Variants in AP3S1 observed in about 807,000 individuals in gnomAD.
AP3S1 encodes AP-3 complex subunit sigma-1.
A neutral mutation model predicts 21.3 loss-of-function variants in AP3S1; 12 were observed. That is an observed-to-expected ratio of 0.56 (90% CI 0.36 to 0.91). AP3S1 has a LOEUF of 0.91. Among genes scored for constraint, AP3S1 ranks in the 40% least tolerant of loss-of-function variants. AP3S1 has a pLI of 0.01. For synonymous variants in AP3S1, 48 were observed against 78.4 expected (o/e 0.61, Z 2.05); for missense variants, 116 against 225.0 (o/e 0.52, Z 3.10).
chr5:115,851,628 C>A (rs770492653), intron 1 of AP3S1, among the ~76,000 whole-genome samples: 2 of 152,004 alleles, frequency 1.3e-5, no homozygotes, highest in Non-Finnish European at 2.9e-5. Flanking sequence ...GGAAAAATAT[C>A]TATTTGAGTC....
intron 3 of AP3S1, among the ~76,000 whole-genome samples, chr5:115,891,234 C>G (rs1036256753): frequency 6.6e-6 from 1 of 152,092 alleles, no homozygotes; most frequent in African/African-American, 2.4e-5. Flanking sequence ...AGGGAACATA[C>G]AAGATTTTTT....
At position 115,862,959 on chromosome 5, in the gene AP3S1, T is replaced by C. The variant is rs1044649419; in HGVS notation, c.70-3711T>C. 6.6e-5 allele frequency among the ~76,000 whole-genome samples: 10 copies of C among 152,258 alleles called. No homozygotes were observed. In the East Asian group the frequency reaches 1.5e-3, roughly 24 times the overall value. On this transcript the variant is annotated intron_variant, in intron 1 of 5. Coordinates refer to ENST00000316788, the MANE Select transcript of AP3S1 (RefSeq NM_001284.4). ...TTCAATGAATCCAGCAAAAGGACTA[T>C]TGTAAAGAAAATAAAATTCATGGTC...
At chr5:115,879,800 T>A (rs747154064) in intron 3 of AP3S1, among the ~76,000 whole-genome samples, 1 of 152,210 alleles carries the variant, frequency 6.6e-6, no homozygotes, top group Non-Finnish European at 1.5e-5. Flanking sequence ...TCTTTGTGCC[T>A]CTGGTAGAAT....
rs942596651 is a variant in AP3S1, at chr5:115,854,740, G to T, written c.70-11930G>T. Reference sequence around the variant, plus strand: ...ATTCTTCATATATTTTCTTGATTCTGTGATTTTGTCCACATTTTACTTCTG... The same window carrying T: ...ATTCTTCATATATTTTCTTGATTCTTTGATTTTGTCCACATTTTACTTCTG... On this transcript the variant is annotated intron_variant, in intron 1 of 5. Coordinates refer to ENST00000316788, the MANE Select transcript of AP3S1 (RefSeq NM_001284.4). Among the ~76,000 whole-genome samples the T allele has an allele frequency of 2.7e-5, 4 of 148,138 alleles. No individual in the cohort carries two copies. The South Asian group carries it at 8.5e-4, about 32-fold the overall frequency.
At chr5:115,859,423 T>C (rs905792725) in intron 1 of AP3S1, among the ~76,000 whole-genome samples, 1 of 152,242 alleles carries the variant, frequency 6.6e-6, no homozygotes, top group African/African-American at 2.4e-5. Flanking sequence ...TTGGGTAGTA[T>C]ATTTTTAACA....
intron 1 of AP3S1, among the ~76,000 whole-genome samples, chr5:115,849,095 T>A (rs1762259927): frequency 6.6e-6 from 1 of 152,194 alleles, no homozygotes; most frequent in Non-Finnish European, 1.5e-5. Context: ...TTCTTTCAAG[T>A]ATTTATTTGT....
chr5:115,856,819 T>C (rs1762834921), intron 1 of AP3S1, among the ~76,000 whole-genome samples: 1 of 152,200 alleles, frequency 6.6e-6, no homozygotes, highest in South Asian at 2.1e-4. Context: ...GTGGGGAGAA[T>C]GTTAAAAATA....
At chr5:115,873,480 C>CA (rs777380583) in intron 3 of AP3S1, among the ~76,000 whole-genome samples, 2 of 152,040 alleles carry the variant, frequency 1.3e-5, no homozygotes, top group Non-Finnish European at 2.9e-5. Flanking sequence ...TATTGTGTCA[C>CA]AAAAAAGAAG....
chr5:115,887,887 TAAAG>T (rs1235657718), intron 3 of AP3S1, among the ~76,000 whole-genome samples: 1 of 152,106 alleles, frequency 6.6e-6, no homozygotes, highest in Admixed American at 6.6e-5. Flanking sequence ...GATGTAAAGA[TAAAG>T]AAAACACAAG....
At chr5:115,912,352 A>G (rs1752173825) in intron 5 of AP3S1, among the ~76,000 whole-genome samples, 1 of 152,024 alleles carries the variant, frequency 6.6e-6, no homozygotes, top group Non-Finnish European at 1.5e-5. Flanking sequence ...ACTTTGCTTT[A>G]TTATATAGCC....
intron 3 of AP3S1, among the ~76,000 whole-genome samples, chr5:115,894,238 A>T (rs1367374195): frequency 6.6e-6 from 1 of 152,206 alleles, no homozygotes; most frequent in Non-Finnish European, 1.5e-5. Flanking sequence ...CATAATGTGT[A>T]CAGAGTATTC....
chr5:115,843,457 T>C (rs76610165), intron 1 of AP3S1, among the ~76,000 whole-genome samples: 3,650 of 152,340 alleles, frequency 0.024, 140 homozygotes, highest in African/African-American at 0.084. Flanking sequence ...TTTAATTTAG[T>C]ATAACTTCAA....
At chr5:115,843,491 C>G (rs966903202) in intron 1 of AP3S1, among the ~76,000 whole-genome samples, 6 of 152,126 alleles carry the variant, frequency 3.9e-5, no homozygotes, top group Non-Finnish European at 4.4e-5. Flanking sequence ...TTTAAAAATT[C>G]TACATCATTC....
At chr5:115,849,836 T>C (rs1762313234) in intron 1 of AP3S1, among the ~76,000 whole-genome samples, 1 of 151,876 alleles carries the variant, frequency 6.6e-6, no homozygotes, top group African/African-American at 2.4e-5. Context: ...GGTGGGAGGA[T>C]TGCCTGAGCC....
At chr5:115,842,198 C>T (rs1210094512) in intron 1 of AP3S1, 92 bp downstream of exon 1, 24 of 1,466,020 alleles carry the variant, frequency 1.6e-5, no homozygotes, top group Non-Finnish European at 5.4e-6. Flanking sequence ...CCCCCTCCGG[C>T]GCGCTGCGGC....
intron 4 of AP3S1, among the ~76,000 whole-genome samples, chr5:115,900,801 A>G (rs928192131): frequency 1.7e-4 from 26 of 152,208 alleles, no homozygotes; most frequent in African/African-American, 5.8e-4. Context: ...GCTGGGAAAT[A>G]GATGTATGTA....
chr5:115,895,498 A>G (rs1391661929), intron 4 of AP3S1, among the ~76,000 whole-genome samples: 1 of 151,902 alleles, frequency 6.6e-6, no homozygotes, highest in Non-Finnish European at 1.5e-5. Flanking sequence ...ATTAGTAGAT[A>G]TATCATACAT....
chr5:115,905,089 A>G (rs1163663898), intron 5 of AP3S1, among the ~76,000 whole-genome samples: 4 of 152,182 alleles, frequency 2.6e-5, no homozygotes, highest in African/African-American at 9.7e-5. Flanking sequence ...CCTACTGCTC[A>G]AGGTCATCCC....
chr5:115,870,600 C>T (rs1054908127), intron 3 of AP3S1, among the ~76,000 whole-genome samples: 4 of 152,196 alleles, frequency 2.6e-5, no homozygotes, highest in Non-Finnish European at 5.9e-5. Context: ...TGGCCATTTT[C>T]TCTCCTGCTT....
Sources: allele counts gnomAD v4.1 joint callset (sites outside exome capture counted in the v4.1 genomes callset), GRCh38; gene constraint gnomAD v4.1.1; transcripts MANE v1.5; gene names NCBI Gene and HGNC (gene_info 2026-07-23, HGNC 2026-07-21).